Variants in RPS6KC1 observed in about 807,000 individuals in gnomAD.
The protein encoded by RPS6KC1 is ribosomal protein S6 kinase C1, also known as inactive ribosomal protein S6 kinase delta-1.
RPS6KC1 carries 54 observed loss-of-function variants against 103.8 expected under a neutral mutation model. The ratio of observed to expected loss-of-function variants is 0.52; its 90% CI spans 0.42 to 0.65. The LOEUF (loss-of-function observed/expected upper bound fraction) is 0.65, where lower values mean the gene tolerates loss of function less well. RPS6KC1 is among the 30% of genes least tolerant of loss of function. The pLI, the probability that RPS6KC1 is intolerant of heterozygous loss-of-function variation, is 0.00. For missense variants in RPS6KC1, 1,151 were observed against 1,253.8 expected, an observed-to-expected ratio of 0.92 and a Z score of 1.24; for synonymous variants, 439 against 438.7, an observed-to-expected ratio of 1.00 and a Z score of -0.01.
chr1:213,527,733 G>T, the RPS6KC1 span, among the ~76,000 whole-genome samples: 1 of 151,736 alleles, frequency 6.6e-6, no homozygotes, highest in Non-Finnish European at 1.5e-5. Flanking sequence ...ACAACACAAG[G>T]GTTAGTGGTA....
At chr1:213,541,942 C>A in the RPS6KC1 span, among the ~76,000 whole-genome samples, 1 of 152,168 alleles carries the variant, frequency 6.6e-6, no homozygotes, top group Non-Finnish European at 1.5e-5. Context: ...TGGAGGAGTT[C>A]CTGAGCCTAG....
chr1:213,854,554 T>TTC, the RPS6KC1 span, among the ~76,000 whole-genome samples: 169 of 108,474 alleles, frequency 1.6e-3, 1 homozygote, highest in Middle Eastern at 0.016. Flanking sequence ...CTTTCTTTCT[T>TTC]TCTTTCTTTC....
At chr1:213,360,919 G>A in the RPS6KC1 span, among the ~76,000 whole-genome samples, 1 of 152,198 alleles carries the variant, frequency 6.6e-6, no homozygotes, top group African/African-American at 2.4e-5. Flanking sequence ...TTCTCTGGAG[G>A]TTTCCTCTCA....
At chr1:213,063,116 A>G (rs532119197) in intron 1 of RPS6KC1, among the ~76,000 whole-genome samples, 1 of 152,208 alleles carries the variant, frequency 6.6e-6, no homozygotes, top group Admixed American at 6.5e-5. Context: ...GGCAGTGCCA[A>G]CACCATTATT....
the RPS6KC1 span, among the ~76,000 whole-genome samples, chr1:213,399,876 C>CGGTTACT: frequency 2.1e-4 from 32 of 152,212 alleles, no homozygotes; most frequent in African/African-American, 7.7e-4. Flanking sequence ...TTGAAGCTGC[C>CGGTTACT]GGTTACTGTT....
the RPS6KC1 span, among the ~76,000 whole-genome samples, chr1:213,618,980 T>G: frequency 6.6e-6 from 1 of 152,308 alleles, no homozygotes; most frequent in Admixed American, 6.5e-5. Context: ...ACGTGGCTTA[T>G]GAGTAGAAGA....
the RPS6KC1 span, among the ~76,000 whole-genome samples, chr1:213,794,811 G>A: frequency 6.6e-6 from 1 of 152,154 alleles, no homozygotes. Context: ...TGACAGTCAA[G>A]CCATAGTGAC....
At chr1:213,514,131 T>G in the RPS6KC1 span, among the ~76,000 whole-genome samples, 2 of 152,256 alleles carry the variant, frequency 1.3e-5, no homozygotes, top group Non-Finnish European at 2.9e-5. Context: ...AAGTGTCTCA[T>G]TTTAATATCT....
At chr1:213,254,266 T>G (rs2094596473) in intron 12 of RPS6KC1, among the ~76,000 whole-genome samples, 1 of 152,224 alleles carries the variant, frequency 6.6e-6, no homozygotes, top group African/African-American at 2.4e-5. Context: ...AGTTTGCACA[T>G]GTTTGATGTC....
the RPS6KC1 span, among the ~76,000 whole-genome samples, chr1:213,538,201 G>T: frequency 6.6e-6 from 1 of 152,148 alleles, no homozygotes; most frequent in Non-Finnish European, 1.5e-5. Flanking sequence ...TCTCAGTTTG[G>T]TGAAATAACT....
At chr1:213,234,199 T>C (rs72745847) in intron 10 of RPS6KC1, among the ~76,000 whole-genome samples, 1 of 152,022 alleles carries the variant, frequency 6.6e-6, no homozygotes, top group Non-Finnish European at 1.5e-5. Context: ...TTTGTAGAGA[T>C]TGGGTCTCTC....
the RPS6KC1 span, among the ~76,000 whole-genome samples, chr1:213,724,126 C>T: frequency 2.9e-4 from 44 of 152,244 alleles, no homozygotes; most frequent in Middle Eastern, 0.017. Flanking sequence ...CTTGCTCAGT[C>T]GCCCAGGCTG....
intron 1 of RPS6KC1, among the ~76,000 whole-genome samples, chr1:213,067,913 C>G (rs185954925): frequency 1.3e-5 from 2 of 152,186 alleles, no homozygotes; most frequent in South Asian, 4.1e-4. Flanking sequence ...CTGAAGAAAA[C>G]CAAAATGTGG....
intron 12 of RPS6KC1, among the ~76,000 whole-genome samples, chr1:213,248,038 T>G (rs1392012445): frequency 2.0e-5 from 3 of 152,120 alleles, no homozygotes; most frequent in African/African-American, 7.2e-5. Flanking sequence ...CAAACAAAAT[T>G]GTTTAAATAA....
the RPS6KC1 span, among the ~76,000 whole-genome samples, chr1:213,615,782 T>G: frequency 6.6e-6 from 1 of 152,200 alleles, no homozygotes; most frequent in African/African-American, 2.4e-5. Flanking sequence ...GTACACCAAG[T>G]CCAGGGGGAG....
At chr1:213,550,808 G>A in the RPS6KC1 span, among the ~76,000 whole-genome samples, 1 of 152,134 alleles carries the variant, frequency 6.6e-6, no homozygotes, top group Non-Finnish European at 1.5e-5. Context: ...AGCAAAATGG[G>A]CACTGTAACC....
chr1:213,307,808 C>T, the RPS6KC1 span, among the ~76,000 whole-genome samples: 1 of 152,262 alleles, frequency 6.6e-6, no homozygotes, highest in Non-Finnish European at 1.5e-5. Context: ...GAGGGCCTCA[C>T]CAGGACCGAC....
At chr1:213,848,431 A>G in the RPS6KC1 span, among the ~76,000 whole-genome samples, 1 of 152,156 alleles carries the variant, frequency 6.6e-6, no homozygotes, top group Non-Finnish European at 1.5e-5. Context: ...TTCACTTAGC[A>G]CAGTCACTTT....
chr1:213,140,684 TC>T (rs1458710273), intron 6 of RPS6KC1, among the ~76,000 whole-genome samples: 1 of 152,080 alleles, frequency 6.6e-6, no homozygotes, highest in Non-Finnish European at 1.5e-5. Context: ...CAGAAATAAA[TC>T]CTACTTGAGC....
Sources: gnomAD v4.1 joint callset for allele counts (sites outside exome capture counted in the v4.1 genomes callset) on GRCh38, gnomAD v4.1.1 for gene constraint, MANE v1.5 for transcripts, NCBI Gene and HGNC (gene_info 2026-07-23, HGNC 2026-07-21) for gene names.